The following PTPN22 variants were observed in gnomAD, a reference collection of about 807,000 sequenced individuals.
PTPN22 encodes the protein tyrosine-protein phosphatase non-receptor type 22.
PTPN22 carries 85 observed loss-of-function variants against 103.3 expected under a neutral mutation model. The ratio of observed to expected loss-of-function variants is 0.82; its 90% CI spans 0.69 to 0.99. PTPN22 has a LOEUF of 0.99. PTPN22 is among the 50% of genes least tolerant of loss of function. PTPN22 has a pLI of 0.00. For missense variants in PTPN22, 865 were observed against 936.9 expected (o/e 0.92, Z 1.00); for synonymous variants, 323 against 310.2 (o/e 1.04, Z -0.43).
exon 1 of PTPN22, chr1:113,871,636 G>GAA: frequency 6.2e-7 from 1 of 1,612,722 alleles, no homozygotes; most frequent in Non-Finnish European, 8.5e-7. Context: ...TGCAGAGCAA[G>GAA]AAAAATAGTC....
rs35424386 is a variant in PTPN22, at chr1:113,824,966, CAAAAAAAAAA to C, written c.2281+166_2281+175del. On this transcript the variant is annotated intron_variant, in intron 19 of 20. Coordinates refer to ENST00000359785, the Ensembl canonical transcript of PTPN22. The stretch of plus-strand genomic sequence containing the variant: ...CCAATATTAGTATTGTGAAGCCTAG[CAAAAAAAAAA>C]AAAAAAAAAAAAGGAGGCCTATGGG... Among the ~76,000 whole-genome samples, 7 of 65,162 alleles carry C rather than the reference CAAAAAAAAAA, an allele frequency of 1.1e-4. No individual in the cohort carries two copies. The East Asian group carries it at 4.2e-3, about 39-fold the overall frequency. 42.7% of individuals were successfully genotyped at this position (65,162 alleles called of 152,430 possible).
chr1:113,818,598 T>C (rs1661349055), intron 20 of PTPN22, among the ~76,000 whole-genome samples: 1 of 152,236 alleles, frequency 6.6e-6, no homozygotes, highest in South Asian at 2.1e-4. Flanking sequence ...GTGGCAGAGA[T>C]TGCTCCCCAT....
At position 113,838,184 on chromosome 1, in the gene PTPN22, C is replaced by A. The variant is rs776187391; in HGVS notation, c.1216G>T (p.Gly406Trp). The change falls in exon 13 of 21, where the codon GGG becomes TGG. Residue 406 changes from glycine (G) to tryptophan (W), a missense_variant. Physicochemically the swap from Gly to Trp is radical, Grantham distance 184. Transcript: ENST00000359785. ...CTTTGATGCTTCTGAAGAGGCTCCC[C>A]AACTATTGGAAATGCCTTTGTCTGC... is the stretch of plus-strand genomic sequence containing the variant. 3 of 1,613,972 alleles carry A rather than the reference C, an allele frequency of 1.9e-6. No homozygotes were observed. The South Asian group carries it at 3.3e-5, about 18-fold the overall frequency.
At chr1:113,850,204 G>GGAAGGAAA in intron 10 of PTPN22, among the ~76,000 whole-genome samples, 1 of 11,968 alleles carries the variant, frequency 8.4e-5, no homozygotes, top group Admixed American at 8.0e-4. Flanking sequence ...CTCAAAAGAA[G>GGAAGGAAA]GAAGGAAGGA....
At chr1:113,834,920 A>G in exon 14 of PTPN22, 1 of 1,574,868 alleles carries the variant, frequency 6.3e-7, no homozygotes, top group Non-Finnish European at 8.6e-7. Context: ...CAGCTTCCTC[A>G]ACCACAATAA....
chr1:113,868,933 A>G (rs1372217700), intron 1 of PTPN22, among the ~76,000 whole-genome samples: 5 of 151,334 alleles, frequency 3.3e-5, no homozygotes, highest in African/African-American at 1.2e-4. Flanking sequence ...GGAAAAAATG[A>G]CCAGATTTGG....
Position 113,829,594 on chromosome 1 carries a change from T to A in PTPN22, c.2248A>T (p.Lys750Ter). ...CCCAAAACTCTTATCTTCTTTACCT[T>A]ACTCCTTGTGAAACTTTTTCCAGGA... Residue 750 changes from lysine (K) to a stop codon, truncating the protein, a stop_gained and splice_region_variant, in exon 18 of 21, where the codon AAG becomes TAG. Transcript: ENST00000359785. LOFTEE classifies it high-confidence loss of function. 6.4e-7 allele frequency: 1 copy of A among 1,571,144 alleles called. No individual in the cohort carries two copies. The highest frequency in any genetic ancestry group is 8.7e-7 in the Non-Finnish European group (1 of 1,148,038).
At chr1:113,824,416 T>A (rs1661877679) in intron 19 of PTPN22, among the ~76,000 whole-genome samples, 1 of 152,192 alleles carries the variant, frequency 6.6e-6, no homozygotes, top group South Asian at 2.1e-4. Context: ...ATGGTTTTTA[T>A]ATTTTTTATT....
In PTPN22 at chr1:113,859,450, CT is replaced by C; in HGVS notation, c.97del (p.Arg33GlyfsTer39). 1 of 1,611,840 alleles carries C rather than the reference CT, an allele frequency of 6.2e-7. No individual in the cohort carries two copies. The highest frequency in any genetic ancestry group is 8.5e-7 in the Non-Finnish European group (1 of 1,178,084). On this transcript the variant is annotated frameshift_variant, in exon 2 of 21. Coordinates refer to ENST00000359785, the Ensembl canonical transcript of PTPN22. LOFTEE classifies it high-confidence loss of function. Reference sequence around the variant, plus strand: ...GTCTGCCTTGTACTTGGTAGATTGCCTTTTCAGCTTCTGTAATAAGATTCCA... The same window carrying C: ...GTCTGCCTTGTACTTGGTAGATTGCCTTTCAGCTTCTGTAATAAGATTCCA...
intron 20 of PTPN22, among the ~76,000 whole-genome samples, chr1:113,815,977 C>T (rs1661115628): frequency 6.6e-6 from 1 of 152,180 alleles, no homozygotes; most frequent in Non-Finnish European, 1.5e-5. Flanking sequence ...CTGAGCCAGG[C>T]CTAATGGCAG....
At chr1:113,825,982 G>A (rs1219151143) in intron 18 of PTPN22, among the ~76,000 whole-genome samples, 1 of 151,900 alleles carries the variant, frequency 6.6e-6, no homozygotes, top group Non-Finnish European at 1.5e-5. Context: ...CAAAGTGCTG[G>A]GATTACAGGC....
chr1:113,834,290 T>C lies in PTPN22; in HGVS notation c.2025+19A>G, dbSNP rs756527966. The C allele has an allele frequency of 1.9e-6, 3 of 1,610,576 alleles. No individual in the cohort carries two copies. In the South Asian group the frequency reaches 3.3e-5, roughly 18 times the overall value. On this transcript the variant is annotated intron_variant, in intron 15 of 20. Transcript: ENST00000359785. ...GTCTATTGAATCTAAATGAGTAGAG[T>C]CATTAAAAAATTATTGACCTTGCTT... is the stretch of plus-strand genomic sequence containing the variant.
chr1:113,834,754 TCTCA>T (rs1662833753), intron 14 of PTPN22, among the ~76,000 whole-genome samples, 152 bp downstream of exon 14: 2 of 151,110 alleles, frequency 1.3e-5, no homozygotes, highest in Non-Finnish European at 2.9e-5. Context: ...AGAGATGAGG[TCTCA>T]CTATGTTGCG....
chr1:113,818,422 A>G (rs1406744976), intron 20 of PTPN22, among the ~76,000 whole-genome samples: 1 of 151,998 alleles, frequency 6.6e-6, no homozygotes, highest in African/African-American at 2.4e-5. Flanking sequence ...CTCAGCCTCC[A>G]AAAGTGCTGG....
At chr1:113,816,686 A>C (rs1661179937) in intron 20 of PTPN22, among the ~76,000 whole-genome samples, 1 of 152,076 alleles carries the variant, frequency 6.6e-6, no homozygotes, top group Non-Finnish European at 1.5e-5. Flanking sequence ...AGGTGAGTGG[A>C]TCACCTGAGG....
At chr1:113,868,193 T>C (rs1339947175) in intron 1 of PTPN22, among the ~76,000 whole-genome samples, 2 of 152,292 alleles carry the variant, frequency 1.3e-5, no homozygotes, top group East Asian at 1.9e-4. Flanking sequence ...CAAAGATGTA[T>C]GGCCAAGAAG....
At position 113,825,060 on chromosome 1, in the gene PTPN22, C is replaced by CT. The variant is rs1399426932; in HGVS notation, c.2281+81dup. On this transcript the variant is annotated intron_variant, in intron 19 of 20. Coordinates refer to ENST00000359785, the Ensembl canonical transcript of PTPN22. ...TCTGTTTAGGAATAATATTGTTAAT[C>CT]TTTTCACAATATTGGTTGGTTATAT... 3 of 894,090 alleles carry CT rather than the reference C, an allele frequency of 3.4e-6. No individual in the cohort carries two copies. The African/African-American group carries it at 5.4e-5, about 16-fold the overall frequency. The allele number at this position is 894,090 out of a possible 1,614,324, so 55.4% of individuals were successfully genotyped here.
At chr1:113,845,205 T>TG (rs202241185) in intron 11 of PTPN22, among the ~76,000 whole-genome samples, 1,751 of 151,112 alleles carry the variant, frequency 0.012, 15 homozygotes, top group Non-Finnish European at 0.019. Context: ...TTTTTGTTTT[T>TG]TTTTTTTTTG....
chr1:113,863,336 G>A (rs550148458), intron 1 of PTPN22, among the ~76,000 whole-genome samples: 2 of 152,156 alleles, frequency 1.3e-5, no homozygotes, highest in South Asian at 2.1e-4. Flanking sequence ...CAAGTGATCC[G>A]CCTGCCTCAG....
Sources: allele counts gnomAD v4.1 joint callset (sites outside exome capture counted in the v4.1 genomes callset), GRCh38; gene constraint gnomAD v4.1.1; transcripts MANE v1.5; gene names NCBI Gene and HGNC (gene_info 2026-07-23, HGNC 2026-07-21).